The following CORO1C variants were observed in gnomAD, a reference collection of about 807,000 sequenced individuals.
CORO1C encodes coronin-1C.
A neutral mutation model predicts 51.2 loss-of-function variants in CORO1C; 14 were observed. The observed-to-expected ratio is 0.27, with a 90% CI of 0.18 to 0.43. CORO1C has a LOEUF of 0.43. CORO1C is among the 20% of genes least tolerant of loss of function. CORO1C has a pLI of 1.00. For missense variants in CORO1C, 417 were observed against 607.8 expected, an observed-to-expected ratio of 0.69 and a Z score of 3.30; for synonymous variants, 181 against 210.5, an observed-to-expected ratio of 0.86 and a Z score of 1.21.
Position 108,645,410 on chromosome 12 carries a change from C to T in CORO1C, c.*1993G>A, listed in dbSNP as rs1240186061. The T allele has an allele frequency of 6.6e-6, 1 of 152,176 alleles. No individual in the cohort carries two copies. The highest frequency in any genetic ancestry group is 1.5e-5 in the Non-Finnish European group (1 of 68,026). 9.4% of individuals were successfully genotyped at this position (152,176 alleles called of 1,614,324 possible). On this transcript the variant is annotated 3_prime_UTR_variant, in exon 11 of 11. Transcript: ENST00000261401. ...CCACATGCCCTACGGTGTTTCACCACCATCAACAACTTTACTTCATTAATT... is the reference window on the plus strand; with the variant it reads ...CCACATGCCCTACGGTGTTTCACCATCATCAACAACTTTACTTCATTAATT...
intron 1 of CORO1C, among the ~76,000 whole-genome samples, chr12:108,708,447 T>C (rs2035088416): frequency 6.6e-6 from 1 of 151,688 alleles, no homozygotes; most frequent in Non-Finnish European, 1.5e-5. Context: ...GAAAGTAGAT[T>C]CATGGTTGCT....
At chr12:108,667,341 T>C (rs1452805965) in intron 3 of CORO1C, among the ~76,000 whole-genome samples, 1 of 152,182 alleles carries the variant, frequency 6.6e-6, no homozygotes, top group East Asian at 1.9e-4. Flanking sequence ...CTTGTTAGCT[T>C]TTCTTTGTTC....
intron 8 of CORO1C, 46 bp downstream of exon 8, chr12:108,652,224 TCA>T (rs1224518479): frequency 6.4e-7 from 1 of 1,571,534 alleles, no homozygotes; most frequent in East Asian, 2.2e-5. Flanking sequence ...CAAATAATTG[TCA>T]CACAGTTACA....
intron 3 of CORO1C, among the ~76,000 whole-genome samples, chr12:108,671,951 C>T (rs996144426): frequency 9.9e-5 from 15 of 152,078 alleles, no homozygotes; most frequent in African/African-American, 1.7e-4. Context: ...TTTGTAGACA[C>T]GGGGTTTCAC....
intron 1 of CORO1C, 72 bp from the exon 2 acceptor site, chr12:108,701,395 G>C (rs1382297408): frequency 6.2e-7 from 1 of 1,600,318 alleles, no homozygotes. Flanking sequence ...CAAATGAAAT[G>C]CTCCAAGTAG....
At chr12:108,707,414 G>C (rs1294530397) in intron 1 of CORO1C, among the ~76,000 whole-genome samples, 1 of 152,176 alleles carries the variant, frequency 6.6e-6, no homozygotes, top group African/African-American at 2.4e-5. Flanking sequence ...TTCAACAAGA[G>C]TGCCAAGACA....
chr12:108,649,268 TATG>T (rs2032531269), intron 8 of CORO1C: 5 of 543,310 alleles, frequency 9.2e-6, no homozygotes, highest in South Asian at 4.4e-5. Flanking sequence ...GAGGTCTACG[TATG>T]ATGATGACAA....
Position 108,658,407 on chromosome 12 carries a change from A to G in CORO1C, c.630+331T>C, listed in dbSNP as rs1258165957. Among the ~76,000 whole-genome samples, 1 of 152,146 alleles carries G rather than the reference A, an allele frequency of 6.6e-6. No homozygotes were observed. The highest frequency in any genetic ancestry group is 2.4e-5 in the African/African-American group (1 of 41,428). On this transcript the variant is annotated intron_variant, in intron 5 of 10. Coordinates refer to ENST00000261401, the MANE Select transcript of CORO1C (RefSeq NM_014325.4). This position sits in a 1 kb window ranked among gnomAD's most constrained non-coding sequence, Gnocchi z 4.9. ...GTGAGGAATTGATTCATCAATATTCAATACTAAGCTGCAAAATCAGGAATG... is the reference window on the plus strand; with the variant it reads ...GTGAGGAATTGATTCATCAATATTCGATACTAAGCTGCAAAATCAGGAATG...
intron 4 of CORO1C, 112 bp from the exon 5 acceptor site, chr12:108,659,031 AG>A: frequency 9.2e-7 from 1 of 1,081,098 alleles, no homozygotes; most frequent in Non-Finnish European, 1.3e-6. Context: ...AGAGAGAGAG[AG>A]AGAAAGAGAG....
Position 108,645,122 on chromosome 12 carries a change from G to A in CORO1C, c.*2281C>T, listed in dbSNP as rs1443031192. 6.6e-6 allele frequency: 1 copy of A among 151,016 alleles called. No homozygotes were observed. Among genetic ancestry groups the A allele is most frequent in the African/African-American group, 2.4e-5 (1 of 41,044 alleles). 9.4% of individuals were successfully genotyped at this position (151,016 alleles called of 1,614,324 possible). A position where few individuals can be genotyped will look rare whatever the true frequency, so the allele number is the denominator to read the frequency against. ...ACACAAACACCATTTTGTAATCAAT[G>A]ATTTTTATCTCTGAAAATGGAAGCA... On this transcript the variant is annotated 3_prime_UTR_variant, in exon 11 of 11. Coordinates refer to ENST00000261401, the MANE Select transcript of CORO1C (RefSeq NM_014325.4).
intron 3 of CORO1C, among the ~76,000 whole-genome samples, chr12:108,671,780 A>G (rs1242733085): frequency 6.6e-6 from 1 of 152,124 alleles, no homozygotes; most frequent in Non-Finnish European, 1.5e-5. Flanking sequence ...TTATTTAGAG[A>G]CAGGATTGGT....
intron 6 of CORO1C, among the ~76,000 whole-genome samples, chr12:108,656,449 G>A (rs1399921134): frequency 3.3e-5 from 5 of 150,236 alleles, no homozygotes; most frequent in African/African-American, 7.4e-5. Flanking sequence ...GCCTCCACCC[G>A]GCCACCACCC....
At position 108,658,876 on chromosome 12, in the gene CORO1C, T is replaced by TTCCCC; in HGVS notation, c.487_491dup (p.Ala165GlyfsTer5). On this transcript the variant is annotated frameshift_variant, in exon 5 of 11. Transcript: ENST00000261401. LOFTEE classifies it high-confidence loss of function. This position sits in a 1 kb window ranked among gnomAD's most constrained non-coding sequence, Gnocchi z 4.9. ...GCATATCGTCCAAGTTTATAAGGGC[T>TTCCCC]TCCCCTGTTCCCACATTCCAGATGA... 1.2e-6 allele frequency: 2 copies of TTCCCC among 1,613,570 alleles called. No homozygotes were observed. The highest frequency in any genetic ancestry group is 1.7e-6 in the Non-Finnish European group (2 of 1,179,446).
chr12:108,683,543 C>T (rs1407593430), intron 2 of CORO1C, among the ~76,000 whole-genome samples: 1 of 151,462 alleles, frequency 6.6e-6, no homozygotes, highest in Non-Finnish European at 1.5e-5. Flanking sequence ...TTAAAAGGGA[C>T]ATAACTTACA....
intron 1 of CORO1C, among the ~76,000 whole-genome samples, chr12:108,710,217 G>A (rs2035139638): frequency 6.6e-6 from 1 of 152,156 alleles, no homozygotes; most frequent in Non-Finnish European, 1.5e-5. Context: ...ACTATGAGAT[G>A]CTCTCTCTGG....
intron 6 of CORO1C, among the ~76,000 whole-genome samples, chr12:108,656,750 C>T (rs1158737030): frequency 6.6e-6 from 1 of 152,138 alleles, no homozygotes; most frequent in Non-Finnish European, 1.5e-5. Context: ...TGACCTTACC[C>T]CCAACCCTGT....
At chr12:108,708,435 C>G (rs1364658915) in intron 1 of CORO1C, among the ~76,000 whole-genome samples, 1 of 150,486 alleles carries the variant, frequency 6.6e-6, no homozygotes, top group African/African-American at 2.4e-5. Flanking sequence ...TCTAGAGAGA[C>G]AGAAAGTAGA....
At chr12:108,649,270 T>C in intron 8 of CORO1C, 1 of 535,950 alleles carries the variant, frequency 1.9e-6, no homozygotes, top group South Asian at 2.2e-5. Context: ...GGTCTACGTA[T>C]GATGATGACA....
intron 1 of CORO1C, chr12:108,702,806 C>T (rs1246949594): frequency 1.3e-6 from 2 of 1,529,546 alleles, no homozygotes; most frequent in Middle Eastern, 1.7e-4. Context: ...CCTTCCAACG[C>T]ATGTGTGAAA....
Sources: gnomAD v4.1 joint callset for allele counts (sites outside exome capture counted in the v4.1 genomes callset) on GRCh38, gnomAD v4.1.1 for gene constraint, Gnocchi (gnomAD v3.1) non-coding constraint, MANE v1.5 for transcripts, NCBI Gene and HGNC (gene_info 2026-07-23, HGNC 2026-07-21) for gene names.